The following SNCAIP variants were observed in gnomAD, a reference collection of about 807,000 sequenced individuals.
SNCAIP encodes the protein synphilin-1.
Under a neutral mutation model 86.7 loss-of-function variants are expected in SNCAIP, and 43 were observed. That is an observed-to-expected ratio of 0.50 (90% CI 0.39 to 0.64). SNCAIP has a LOEUF of 0.64. Ranked by LOEUF, SNCAIP falls within the 30% of genes least tolerant of loss-of-function variation. SNCAIP has a pLI of 0.00. For missense variants in SNCAIP, 981 were observed against 1,103.1 expected (o/e 0.89, Z 1.57); for synonymous variants, 417 against 427.2 (o/e 0.98, Z 0.29).
chr5:122,345,776 T>G (rs1288958942), intron 1 of SNCAIP, among the ~76,000 whole-genome samples: 1 of 152,116 alleles, frequency 6.6e-6, no homozygotes, highest in East Asian at 1.9e-4. Context: ...TCCTCCTGCC[T>G]TAGCCTCCCA....
At position 122,356,867 on chromosome 5, in the gene SNCAIP, G is replaced by A. The variant is rs544066958; in HGVS notation, c.-46-34222G>A. ...GACCGATGCACCACCCTCCTAACTG[G>A]CTGCTGTTTCTGCTCTTCTAGTTTG... On this transcript the variant is annotated intron_variant, in intron 1 of 10. Coordinates refer to ENST00000261368, the MANE Select transcript of SNCAIP (RefSeq NM_005460.4). Among the ~76,000 whole-genome samples the A allele has an allele frequency of 3.9e-5, 6 of 152,238 alleles. No individual in the cohort carries two copies. In the South Asian group the frequency reaches 1.0e-3, roughly 26 times the overall value.
chr5:122,356,095 CTTTTTT>C (rs757246404), intron 1 of SNCAIP, among the ~76,000 whole-genome samples: 3 of 102,766 alleles, frequency 2.9e-5, no homozygotes, highest in Admixed American at 2.1e-4. Flanking sequence ...GTTAGCCTTT[CTTTTTT>C]TTTTTTTTTT....
In SNCAIP at chr5:122,380,306, A is replaced by G. The variant is rs561876932; in HGVS notation, c.-46-10783A>G. Among the ~76,000 whole-genome samples the G allele has an allele frequency of 2.0e-5, 3 of 152,316 alleles. No individual in the cohort carries two copies. The East Asian group carries it at 5.8e-4, about 29-fold the overall frequency. ...GTCGAGGAATTTATCCATTTCTTCT[A>G]GATTTTCTAGTTTATTTGCATAGAC... is the stretch of plus-strand genomic sequence containing the variant. On this transcript the variant is annotated intron_variant, in intron 1 of 10. Coordinates refer to ENST00000261368, the MANE Select transcript of SNCAIP (RefSeq NM_005460.4).
chr5:122,407,144 C>T (rs538523531), intron 3 of SNCAIP, among the ~76,000 whole-genome samples: 12 of 152,218 alleles, frequency 7.9e-5, no homozygotes, highest in Middle Eastern at 3.4e-3. Flanking sequence ...GGCAAGCAAA[C>T]AGATAAACAA....
At chr5:122,321,272 T>A (rs1035104485) in intron 1 of SNCAIP, 8 of 152,192 alleles carry the variant, frequency 5.3e-5, no homozygotes, top group Non-Finnish European at 1.0e-4. Context: ...CCTTACATTC[T>A]TTTTTTCCCA....
At chr5:122,391,332 C>G (rs1769300448) in intron 2 of SNCAIP, 141 bp downstream of exon 2, 2 of 718,390 alleles carry the variant, frequency 2.8e-6, no homozygotes, top group African/African-American at 1.7e-5. Flanking sequence ...GTGTGGCAGA[C>G]TCGGTGTGGT....
intron 5 of SNCAIP, among the ~76,000 whole-genome samples, chr5:122,430,538 A>G (rs773163120): frequency 3.9e-5 from 6 of 152,310 alleles, no homozygotes; most frequent in South Asian, 2.1e-4. Context: ...TGGTCTTGCA[A>G]CTAAGTGGCA....
At chr5:122,424,203 G>C (rs1033223224) in intron 4 of SNCAIP, among the ~76,000 whole-genome samples, 1 of 152,198 alleles carries the variant, frequency 6.6e-6, no homozygotes, top group African/African-American at 2.4e-5. Context: ...AAAAGCATTT[G>C]TAGATAGAAG....
intron 1 of SNCAIP, among the ~76,000 whole-genome samples, chr5:122,387,627 C>A (rs773351175): frequency 1.3e-5 from 2 of 152,204 alleles, no homozygotes; most frequent in South Asian, 4.1e-4. Context: ...GCACTTGGCA[C>A]GGCTTCCTCC....
intron 5 of SNCAIP, among the ~76,000 whole-genome samples, chr5:122,429,600 C>CT (rs1417138236): frequency 1.3e-5 from 2 of 150,596 alleles, no homozygotes; most frequent in Non-Finnish European, 3.0e-5. Context: ...TTCCTTTCTT[C>CT]TTTTAGCGGG....
rs978358430 is a variant in SNCAIP at position 122,440,419 on chromosome 5, T to C, written c.1297-210T>C. 3 of 565,384 alleles carry C rather than the reference T, an allele frequency of 5.3e-6. No individual in the cohort carries two copies. In the Admixed American group the frequency reaches 9.1e-5, roughly 17 times the overall value. The allele number at this position is 565,384 out of a possible 1,614,324, so 35.0% of individuals were successfully genotyped here. A position where few individuals can be genotyped will look rare whatever the true frequency, so the allele number is the denominator to read the frequency against. ...TAAGAGCGCTTCCAAGGGAGCTTCC[T>C]GCTCTTAAAATTCTCTATGCCGTCC... On this transcript the variant is annotated intron_variant, in intron 6 of 10. Transcript: ENST00000261368.
intron 1 of SNCAIP, among the ~76,000 whole-genome samples, chr5:122,336,203 A>AGT (rs749615505): frequency 6.6e-6 from 1 of 152,166 alleles, no homozygotes; most frequent in East Asian, 1.9e-4. Flanking sequence ...AGAGAGAGAG[A>AGT]GTGTGTAACA....
intron 5 of SNCAIP, among the ~76,000 whole-genome samples, chr5:122,430,690 C>A (rs1778239085): frequency 6.6e-6 from 1 of 151,934 alleles, no homozygotes; most frequent in Non-Finnish European, 1.5e-5. Flanking sequence ...TATTTACATG[C>A]CTTGATTGCT....
At chr5:122,452,982 T>C (rs2153007064) in intron 10 of SNCAIP, 1 of 1,546,248 alleles carries the variant, frequency 6.5e-7, no homozygotes, top group Non-Finnish European at 8.7e-7. Flanking sequence ...AGAGCATCTG[T>C]GTAACGACAC....
chr5:122,361,489 A>T (rs958424385), intron 1 of SNCAIP, among the ~76,000 whole-genome samples: 1 of 152,218 alleles, frequency 6.6e-6, no homozygotes, highest in South Asian at 2.1e-4. Context: ...GCAAGGTTCC[A>T]AACATGTTGA....
At chr5:122,332,911 A>G (rs1561527016) in intron 1 of SNCAIP, among the ~76,000 whole-genome samples, 1 of 152,172 alleles carries the variant, frequency 6.6e-6, no homozygotes, top group Non-Finnish European at 1.5e-5. Flanking sequence ...CTTATTTCAG[A>G]CTCTGAGAAC....
intron 2 of SNCAIP, among the ~76,000 whole-genome samples, chr5:122,397,456 G>GT (rs1770856030): frequency 6.6e-6 from 1 of 152,026 alleles, no homozygotes. Context: ...GATCAAAAGA[G>GT]TTACTGAGTT....
intron 3 of SNCAIP, among the ~76,000 whole-genome samples, chr5:122,406,437 C>A (rs1773009251): frequency 6.6e-6 from 1 of 152,222 alleles, no homozygotes; most frequent in Non-Finnish European, 1.5e-5. Context: ...AACCGTCTGT[C>A]ACTTACAGTA....
intron 3 of SNCAIP, among the ~76,000 whole-genome samples, chr5:122,409,796 A>T (rs1162516404): frequency 6.6e-6 from 1 of 152,246 alleles, no homozygotes; most frequent in African/African-American, 2.4e-5. Flanking sequence ...TGTCCTGTAG[A>T]TGCTGTTATG....
Sources: gnomAD v4.1 joint callset for allele counts (sites outside exome capture counted in the v4.1 genomes callset) on GRCh38, gnomAD v4.1.1 for gene constraint, MANE v1.5 for transcripts, NCBI Gene and HGNC (gene_info 2026-07-23, HGNC 2026-07-21) for gene names.